GPR160: variants seen among roughly 807,000 people sequenced by gnomAD.
GPR160 encodes G protein-coupled receptor 160.
GPR160 carries 2 observed loss-of-function variants against 2.6 expected under a neutral mutation model. The ratio of observed to expected loss-of-function variants is 0.77; its 90% CI spans 0.32 to 2.44. The LOEUF (loss-of-function observed/expected upper bound fraction) is 2.44, where lower values mean the gene tolerates loss of function less well. Among genes scored for constraint, GPR160 ranks in the 30% most tolerant of loss-of-function variants. GPR160 has a pLI of 0.11. For synonymous variants in GPR160, 130 were observed against 132.2 expected, an observed-to-expected ratio of 0.98 and a Z score of 0.12; for missense variants, 351 against 383.6, an observed-to-expected ratio of 0.91 and a Z score of 0.71.
intron 3 of GPR160, among the ~76,000 whole-genome samples, chr3:170,080,500 C>G (rs1434215546): frequency 6.6e-6 from 1 of 152,144 alleles, no homozygotes; most frequent in African/African-American, 2.4e-5. Flanking sequence ...TTCCAGTCAT[C>G]TTCTGAAGAG....
At chr3:170,045,534 G>A (rs1265387271) in intron 2 of GPR160, among the ~76,000 whole-genome samples, 4 of 149,526 alleles carry the variant, frequency 2.7e-5, no homozygotes, top group Non-Finnish European at 5.9e-5. Flanking sequence ...AGGTTGCAGT[G>A]AGCCGAGATC....
At chr3:170,041,222 A>G (rs1716432385) in intron 2 of GPR160, among the ~76,000 whole-genome samples, 1 of 152,190 alleles carries the variant, frequency 6.6e-6, no homozygotes, top group South Asian at 2.1e-4. Context: ...TGGGACAGTT[A>G]AAAGTTGAAG....
Position 170,060,566 on chromosome 3 carries a change from C to T in GPR160, c.-192-19208C>T, listed in dbSNP as rs116994781. Among the ~76,000 whole-genome samples the T allele has an allele frequency of 3.7e-3, 561 of 152,124 alleles. 14 individuals carry two copies. In the East Asian group the frequency reaches 0.094, roughly 25 times the overall value. ...TTGCTTGAGGCTAGGAGTTCAAGAC[C>T]AGCCTGGGCAACAGCAAGACCCCAT... is the stretch of plus-strand genomic sequence containing the variant. On this transcript the variant is annotated intron_variant, in intron 2 of 3. Coordinates refer to ENST00000355897, the MANE Select transcript of GPR160 (RefSeq NM_014373.3).
At chr3:170,045,444 A>AAAAAAAAAC (rs1559981285) in intron 2 of GPR160, among the ~76,000 whole-genome samples, 4 of 127,952 alleles carry the variant, frequency 3.1e-5, no homozygotes, top group Admixed American at 8.1e-5. Flanking sequence ...AAAAAAAAAA[A>AAAAAAAAAC]AAACCAATTA....
intron 2 of GPR160, among the ~76,000 whole-genome samples, chr3:170,064,666 A>G (rs750437734): frequency 6.6e-6 from 1 of 151,578 alleles, no homozygotes; most frequent in Non-Finnish European, 1.5e-5. Flanking sequence ...CTACAGGCAC[A>G]TGCCACCGCG....
chr3:170,083,815 G>T lies in GPR160; in HGVS notation c.-68-90G>T, dbSNP rs1212591503. 6.4e-5 allele frequency: 28 copies of T among 434,160 alleles called. 1 individual carries two copies. Among genetic ancestry groups the T allele is most frequent in the Non-Finnish European group, 2.9e-5 (7 of 245,272 alleles). 26.9% of individuals were successfully genotyped at this position (434,160 alleles called of 1,614,324 possible). A position where few individuals can be genotyped will look rare whatever the true frequency, so the allele number is the denominator to read the frequency against. ...TATTCATATATTTATTTGGGGAAAT[G>T]ATTGAATTAGGCTTTTAAGAATAGT... is the stretch of plus-strand genomic sequence containing the variant. On this transcript the variant is annotated intron_variant, in intron 3 of 3. Coordinates refer to ENST00000355897, the MANE Select transcript of GPR160 (RefSeq NM_014373.3).
At chr3:170,073,363 G>A (rs188515666) in intron 2 of GPR160, among the ~76,000 whole-genome samples, 2 of 152,188 alleles carry the variant, frequency 1.3e-5, no homozygotes, top group East Asian at 1.9e-4. Flanking sequence ...TATGGTGTAA[G>A]GTAAGAGTGA....
At chr3:170,048,737 C>T (rs1716836586) in intron 2 of GPR160, among the ~76,000 whole-genome samples, 1 of 152,180 alleles carries the variant, frequency 6.6e-6, no homozygotes, top group Non-Finnish European at 1.5e-5. Context: ...TAAACATGTA[C>T]CTCTATTCTC....
intron 2 of GPR160, among the ~76,000 whole-genome samples, chr3:170,048,953 C>G (rs1444767839): frequency 6.6e-6 from 1 of 151,710 alleles, no homozygotes; most frequent in Admixed American, 6.6e-5. Flanking sequence ...AAGTCTTAGT[C>G]CCTGAGGCCA....
At chr3:170,060,641 C>T (rs773678632) in intron 2 of GPR160, among the ~76,000 whole-genome samples, 1 of 152,032 alleles carries the variant, frequency 6.6e-6, no homozygotes, top group Admixed American at 6.6e-5. Flanking sequence ...TGGTGGTGCA[C>T]ACCTCTATAG....
chr3:170,064,947 C>G (rs7650645), intron 2 of GPR160, among the ~76,000 whole-genome samples: 1 of 152,140 alleles, frequency 6.6e-6, no homozygotes, highest in Non-Finnish European at 1.5e-5. Context: ...TCCCCCACCC[C>G]ACCCTGGGCC....
In GPR160 at chr3:170,038,251, C is replaced by G. The variant is rs952174763; in HGVS notation, c.-322+36C>G. On this transcript the variant is annotated intron_variant, in intron 1 of 3. Coordinates refer to ENST00000355897, the MANE Select transcript of GPR160 (RefSeq NM_014373.3). The surrounding 1 kb of genome is among the most constrained non-coding windows in gnomAD (Gnocchi z 5.3). ...GCGCAGGTGGAGGGCGCCCGGCGCTCTCGCCACCGGCGTCCCAGCCTCGGG... is the reference window on the plus strand; with the variant it reads ...GCGCAGGTGGAGGGCGCCCGGCGCTGTCGCCACCGGCGTCCCAGCCTCGGG... The G allele has an allele frequency of 2.6e-5, 4 of 152,124 alleles. No homozygotes were observed. The highest frequency in any genetic ancestry group is 7.2e-5 in the African/African-American group (3 of 41,452). The allele number at this position is 152,124 out of a possible 1,614,324, so 9.4% of individuals were successfully genotyped here.
At chr3:170,067,218 T>A (rs1712386421) in intron 2 of GPR160, among the ~76,000 whole-genome samples, 1 of 152,166 alleles carries the variant, frequency 6.6e-6, no homozygotes, top group Non-Finnish European at 1.5e-5. Context: ...TTTCCCAGGC[T>A]GGTCTTGAAC....
At chr3:170,071,907 T>C (rs1010107983) in intron 2 of GPR160, among the ~76,000 whole-genome samples, 1 of 152,188 alleles carries the variant, frequency 6.6e-6, no homozygotes, top group Admixed American at 6.5e-5. Flanking sequence ...TTTGAGGCTT[T>C]TCCCTGTGTG....
At chr3:170,082,991 T>TTTTG (rs1329560765) in intron 3 of GPR160, among the ~76,000 whole-genome samples, 2 of 151,360 alleles carry the variant, frequency 1.3e-5, no homozygotes, top group Admixed American at 6.6e-5. Context: ...TTTTTTTGGT[T>TTTTG]TTTGTTTTTG....
rs146587904 is a variant in GPR160 at position 170,056,187 on chromosome 3, C to A, written c.-193+17144C>A. 5.8e-3 allele frequency among the ~76,000 whole-genome samples: 885 copies of A among 152,220 alleles called. 14 individuals are homozygous for A. The highest frequency in any genetic ancestry group is 0.02 in the African/African-American group (850 of 41,530). On this transcript the variant is annotated intron_variant, in intron 2 of 3. Coordinates refer to ENST00000355897, the MANE Select transcript of GPR160 (RefSeq NM_014373.3). ...TACTTGTATTACTTATCTGTTCCCA[C>A]CAAAATGATGACGAGGTGAATATAT...
intron 2 of GPR160, among the ~76,000 whole-genome samples, chr3:170,067,755 T>TA (rs953780333): frequency 4.6e-4 from 69 of 149,898 alleles, no homozygotes; most frequent in Admixed American, 1.3e-3. Context: ...GTCTTACCTT[T>TA]AAAAAAAAAA....
chr3:170,068,073 G>T (rs1254281878), intron 2 of GPR160, among the ~76,000 whole-genome samples: 6 of 152,194 alleles, frequency 3.9e-5, no homozygotes, highest in Non-Finnish European at 5.9e-5. Context: ...GGGTTGGGGA[G>T]AAGTTGTTGC....
At chr3:170,078,003 A>C (rs944520235) in intron 2 of GPR160, 4 of 152,892 alleles carry the variant, frequency 2.6e-5, no homozygotes, top group African/African-American at 9.6e-5. Flanking sequence ...TTTTCAAGCT[A>C]GGGTTTCACA....
Sources: gnomAD v4.1 joint callset for allele counts (sites outside exome capture counted in the v4.1 genomes callset) on GRCh38, gnomAD v4.1.1 for gene constraint, Gnocchi (gnomAD v3.1) non-coding constraint, MANE v1.5 for transcripts, NCBI Gene and HGNC (gene_info 2026-07-23, HGNC 2026-07-21) for gene names.